Variants in ANAPC11 observed in about 807,000 individuals in gnomAD.
ANAPC11 encodes anaphase-promoting complex subunit 11.
ANAPC11 carries 5 observed loss-of-function variants against 11.8 expected under a neutral mutation model. The observed-to-expected ratio is 0.42, with a 90% CI of 0.22 to 0.89. ANAPC11 has a LOEUF of 0.89. Among genes scored for constraint, ANAPC11 ranks in the 40% least tolerant of loss-of-function variants. ANAPC11 has a pLI of 0.28. For missense variants in ANAPC11, 68 were observed against 112.9 expected (o/e 0.60, Z 1.80); for synonymous variants, 45 against 41.0 (o/e 1.10, Z -0.38).
At chr17:81,899,417 C>T (rs2039859830) in intron 3 of ANAPC11, 2 of 1,613,984 alleles carry the variant, frequency 1.2e-6, no homozygotes, top group African/African-American at 1.3e-5. Context: ...CAGACCCCAC[C>T]CCTCCTGCCC....
intron 3 of ANAPC11, chr17:81,899,701 C>T (rs2143584378): frequency 4.0e-6 from 4 of 1,007,268 alleles, no homozygotes; most frequent in East Asian, 5.2e-5. Context: ...GTGGAGGCCG[C>T]ATGTCCGGTG....
At chr17:81,893,825 G>C (rs1227768342) in intron 2 of ANAPC11, among the ~76,000 whole-genome samples, 1 of 135,076 alleles carries the variant, frequency 7.4e-6, no homozygotes, top group Non-Finnish European at 1.5e-5. Context: ...TCAAACTCCT[G>C]AGCTCAGGCG....
At chr17:81,893,840 T>G (rs1257253702) in intron 2 of ANAPC11, among the ~76,000 whole-genome samples, 1 of 142,528 alleles carries the variant, frequency 7.0e-6, no homozygotes, top group Non-Finnish European at 1.5e-5. Flanking sequence ...CAGGCGATCC[T>G]CCCGAGTTGG....
At chr17:81,897,402 A>G (rs1332574575) in intron 3 of ANAPC11, among the ~76,000 whole-genome samples, 2 of 152,110 alleles carry the variant, frequency 1.3e-5, no homozygotes, top group African/African-American at 2.4e-5. Flanking sequence ...CCAAAGTACC[A>G]GGATTACAGG....
chr17:81,899,689 G>A (rs760104035), intron 3 of ANAPC11: 63 of 1,074,282 alleles, frequency 5.9e-5, no homozygotes, highest in Non-Finnish European at 7.8e-5. Flanking sequence ...CGGTTGCCCC[G>A]GGTGGAGGCC....
rs531665657 is a variant in ANAPC11, at chr17:81,899,883, G to A, written c.110-37G>A. On this transcript the variant is annotated intron_variant, in intron 3 of 3. Transcript: ENST00000344877. ...TTGTCACATGCTCTGTGTCCAGCCT[G>A]GTCATGCCTGTCCTTTTCCCCACCT... is the stretch of plus-strand genomic sequence containing the variant. 7 of 1,590,280 alleles carry A rather than the reference G, an allele frequency of 4.4e-6. No homozygotes were observed. In the African/African-American group the frequency reaches 8.0e-5, roughly 18 times the overall value.
chr17:81,890,969 G>A (rs1030157880), upstream of ANAPC11: 2 of 1,235,042 alleles, frequency 1.6e-6, no homozygotes, highest in Admixed American at 2.5e-5. Flanking sequence ...CGCTGCAGCT[G>A]CCCCAGCCCG....
rs1159400209 is a variant in ANAPC11 at position 81,895,540 on chromosome 17, G to A, written c.109+954G>A. On this transcript the variant is annotated intron_variant, in intron 3 of 3. Coordinates refer to ENST00000344877, the MANE Select transcript of ANAPC11 (RefSeq NM_001002248.3). ...AGGTCAAGAGATGGAGGCCGGCATG[G>A]CGGCCCACGCCTGTTATTCCAGCAC... Among the ~76,000 whole-genome samples, 3 of 152,250 alleles carry A rather than the reference G, an allele frequency of 2.0e-5. No homozygotes were observed. The East Asian group carries it at 5.8e-4, about 29-fold the overall frequency.
intron 1 of ANAPC11, among the ~76,000 whole-genome samples, chr17:81,892,444 G>A (rs573016485): frequency 6.6e-6 from 1 of 151,796 alleles, no homozygotes; most frequent in East Asian, 2.0e-4. Flanking sequence ...ACTCCAGCCT[G>A]GGCGACAGAG....
intron 1 of ANAPC11, among the ~76,000 whole-genome samples, chr17:81,892,487 G>T (rs747423963): frequency 3.3e-5 from 5 of 149,646 alleles, no homozygotes; most frequent in African/African-American, 4.9e-5. Context: ...AATTATTTTT[G>T]CAACTTATTA....
chr17:81,894,811 G>A (rs1038245498), intron 3 of ANAPC11: 4 of 414,572 alleles, frequency 9.6e-6, no homozygotes, highest in African/African-American at 2.1e-5. Flanking sequence ...TCTGCCTCCC[G>A]GGTTCAAACG....
Position 81,900,238 on chromosome 17 carries a change from T to A in ANAPC11, c.*173T>A. The A allele has an allele frequency of 9.5e-7, 1 of 1,049,164 alleles. No individual in the cohort carries two copies. Among genetic ancestry groups the A allele is most frequent in the Non-Finnish European group, 1.4e-6 (1 of 735,712 alleles). The allele number at this position is 1,049,164 out of a possible 1,614,324, so 65.0% of individuals were successfully genotyped here. On this transcript the variant is annotated 3_prime_UTR_variant, in exon 4 of 4. Transcript: ENST00000344877. ...TTTTATCCAATAAGTGAAAACTCAT[T>A]AAACTACTCAAATCTTGCTGGAGGC...
chr17:81,891,349 T>C, upstream of ANAPC11: 1 of 1,153,266 alleles, frequency 8.7e-7, no homozygotes, highest in South Asian at 2.9e-5. Context: ...GGTCGGTTCC[T>C]GCCGCCTCCG....
At chr17:81,896,492 A>T (rs2039747688) in intron 3 of ANAPC11, among the ~76,000 whole-genome samples, 1 of 152,224 alleles carries the variant, frequency 6.6e-6, no homozygotes, top group South Asian at 2.1e-4. Context: ...CATCAGCGAA[A>T]TGGTTTTTCA....
chr17:81,894,091 T>A (rs1347048320), intron 2 of ANAPC11, among the ~76,000 whole-genome samples: 1 of 151,738 alleles, frequency 6.6e-6, no homozygotes, highest in African/African-American at 2.4e-5. Context: ...CAGCCTGGCC[T>A]ACATGGTGAA....
chr17:81,900,126 T>C lies in ANAPC11; in HGVS notation c.*61T>C, dbSNP rs1180950398. On this transcript the variant is annotated 3_prime_UTR_variant, in exon 4 of 4. Transcript: ENST00000344877. ...GACTCCTTCCTCATGCTGGCGCCGA[T>C]GGCTGCTGGGGACAGCGCCCCTGAG... is the stretch of plus-strand genomic sequence containing the variant. 1.2e-6 allele frequency: 2 copies of C among 1,603,342 alleles called. No individual in the cohort carries two copies.
At chr17:81,891,364 C>T, upstream of ANAPC11, 2 of 1,153,458 alleles carry the variant, frequency 1.7e-6, no homozygotes, top group Admixed American at 4.5e-5. Context: ...CCTCCGCCGG[C>T]CGCGCCGCGG....
At chr17:81,894,646 T>C (rs2039671495) in intron 3 of ANAPC11, 60 bp downstream of exon 3, 1 of 1,149,548 alleles carries the variant, frequency 8.7e-7, no homozygotes, top group Admixed American at 2.0e-5. Context: ...CTCTGTGCTG[T>C]CTGCTGCCTG....
chr17:81,900,350 C>T (rs1158134329), downstream of ANAPC11: 3 of 485,618 alleles, frequency 6.2e-6, no homozygotes, highest in Non-Finnish European at 1.1e-5. Flanking sequence ...CTCCGTGAAA[C>T]GCCAAGGCCC....
Sources: allele counts gnomAD v4.1 joint callset (sites outside exome capture counted in the v4.1 genomes callset), GRCh38; gene constraint gnomAD v4.1.1; transcripts MANE v1.5; gene names NCBI Gene and HGNC (gene_info 2026-07-23, HGNC 2026-07-21).